PRKACB: variants seen among roughly 807,000 people sequenced by gnomAD.
PRKACB encodes the protein protein kinase cAMP-activated catalytic subunit beta.
PRKACB carries 16 observed loss-of-function variants against 51.4 expected under a neutral mutation model. The observed-to-expected ratio is 0.31, with a 90% CI of 0.21 to 0.47. PRKACB has a LOEUF of 0.47. Ranked by LOEUF, PRKACB falls within the 20% of genes least tolerant of loss-of-function variation. The pLI is 1.00. For missense variants in PRKACB, 309 were observed against 464.5 expected, an observed-to-expected ratio of 0.67 and a Z score of 3.08; for synonymous variants, 147 against 154.4, an observed-to-expected ratio of 0.95 and a Z score of 0.35.
intron 1 of PRKACB, among the ~76,000 whole-genome samples, chr1:84,176,138 A>T (rs1368000437): frequency 6.6e-6 from 1 of 151,830 alleles, no homozygotes; most frequent in Non-Finnish European, 1.5e-5. Flanking sequence ...TAATAATTTA[A>T]GTGGTTAAAT....
intron 1 of PRKACB, among the ~76,000 whole-genome samples, chr1:84,109,347 T>A (rs1650029600): frequency 6.6e-6 from 1 of 152,022 alleles, no homozygotes; most frequent in South Asian, 2.1e-4. Context: ...TAGCATTGCA[T>A]GAGGGTTCTC....
At chr1:84,181,737 AG>A (rs1663558537) in intron 2 of PRKACB, 1 of 1,498,346 alleles carries the variant, frequency 6.7e-7, no homozygotes. Context: ...AGGTAACTTT[AG>A]TGAAAGAGCT....
chr1:84,174,140 A>T (rs1456591899), intron 1 of PRKACB, among the ~76,000 whole-genome samples: 2 of 151,852 alleles, frequency 1.3e-5, no homozygotes, highest in Non-Finnish European at 2.9e-5. Context: ...CTGATTCGGC[A>T]TCTGCTTGCC....
intron 8 of PRKACB, among the ~76,000 whole-genome samples, chr1:84,203,532 A>G (rs1412879557): frequency 2.6e-5 from 4 of 151,970 alleles, no homozygotes; most frequent in Non-Finnish European, 4.4e-5. Flanking sequence ...GACCATTGTC[A>G]ATTCAATAGA....
At chr1:84,162,646 C>T (rs1386488095) in intron 1 of PRKACB, among the ~76,000 whole-genome samples, 2 of 151,764 alleles carry the variant, frequency 1.3e-5, no homozygotes, top group Non-Finnish European at 2.9e-5. Flanking sequence ...AATAGTTTTT[C>T]TTTCTATATT....
At chr1:84,110,384 A>G (rs1003977674) in intron 1 of PRKACB, among the ~76,000 whole-genome samples, 2 of 150,584 alleles carry the variant, frequency 1.3e-5, no homozygotes, top group Non-Finnish European at 3.0e-5. Context: ...ATATATATGT[A>G]AGTATATATA....
chr1:84,213,479 T>TG (rs1558298186), intron 8 of PRKACB, among the ~76,000 whole-genome samples: 1 of 152,208 alleles, frequency 6.6e-6, no homozygotes, highest in African/African-American at 2.4e-5. Flanking sequence ...TTCACTTATT[T>TG]GGGGGTTTTC....
intron 5 of PRKACB, among the ~76,000 whole-genome samples, chr1:84,195,912 C>CA (rs34855463): frequency 0.016 from 2,155 of 135,102 alleles, 56 homozygotes; most frequent in African/African-American, 0.052. Context: ...GACTGTGTCT[C>CA]AAAAAAAAAA....
intron 1 of PRKACB, among the ~76,000 whole-genome samples, chr1:84,128,407 A>G (rs1162483895): frequency 6.6e-6 from 1 of 152,238 alleles, no homozygotes; most frequent in Non-Finnish European, 1.5e-5. Flanking sequence ...TCCAAATTGC[A>G]GAAATTGATT....
chr1:84,111,507 A>G (rs1405101264), intron 1 of PRKACB, among the ~76,000 whole-genome samples: 1 of 152,150 alleles, frequency 6.6e-6, no homozygotes, highest in Non-Finnish European at 1.5e-5. Context: ...TTTACTGTAC[A>G]TAATCCTTCC....
chr1:84,180,008 A>G (rs1662696567), intron 2 of PRKACB, among the ~76,000 whole-genome samples: 1 of 140,444 alleles, frequency 7.1e-6, no homozygotes, highest in South Asian at 2.3e-4. Flanking sequence ...ATGTGTTCTC[A>G]TTGTTCAACT....
At chr1:84,212,497 A>G (rs191117422) in intron 8 of PRKACB, among the ~76,000 whole-genome samples, 1 of 152,282 alleles carries the variant, frequency 6.6e-6, no homozygotes, top group East Asian at 1.9e-4. Context: ...GAAAGTCAGA[A>G]TATAAATTAA....
intron 8 of PRKACB, among the ~76,000 whole-genome samples, chr1:84,213,555 A>G (rs1009127492): frequency 1.3e-5 from 2 of 152,154 alleles, no homozygotes; most frequent in Non-Finnish European, 2.9e-5. Flanking sequence ...GTAGGTAGAA[A>G]AATGCTTTTA....
At chr1:84,168,834 A>G (rs1447357004) in intron 1 of PRKACB, among the ~76,000 whole-genome samples, 1 of 151,622 alleles carries the variant, frequency 6.6e-6, no homozygotes, top group Non-Finnish European at 1.5e-5. Flanking sequence ...CCAAGAATGT[A>G]TTAGGCCTTT....
At chr1:84,135,393 A>G (rs1321098117) in intron 1 of PRKACB, among the ~76,000 whole-genome samples, 1 of 152,212 alleles carries the variant, frequency 6.6e-6, no homozygotes, top group Admixed American at 6.5e-5. Context: ...AATCAGTGTA[A>G]GTAGGTAATT....
intron 5 of PRKACB, among the ~76,000 whole-genome samples, chr1:84,189,585 G>A (rs995980339): frequency 2.6e-5 from 4 of 151,830 alleles, no homozygotes; most frequent in African/African-American, 9.7e-5. Context: ...CATGTGTAGT[G>A]TGACACAGCA....
chr1:84,097,291 A>G (rs991318212), intron 1 of PRKACB, among the ~76,000 whole-genome samples: 12 of 151,980 alleles, frequency 7.9e-5, no homozygotes, highest in African/African-American at 2.9e-4. Context: ...AAGTATATGT[A>G]TCTGTAGATA....
At chr1:84,154,564 A>T (rs1384589521) in intron 1 of PRKACB, among the ~76,000 whole-genome samples, 1 of 152,160 alleles carries the variant, frequency 6.6e-6, no homozygotes, top group Non-Finnish European at 1.5e-5. Flanking sequence ...AAGCTCATTT[A>T]CCAGGGCAGC....
chr1:84,087,481 CAT>C (rs140975325), intron 1 of PRKACB, among the ~76,000 whole-genome samples: 3,870 of 152,214 alleles, frequency 0.025, 159 homozygotes, highest in African/African-American at 0.084. Context: ...AAAGGTGAAA[CAT>C]GTGTTTACAA....
Sources: gnomAD v4.1 joint callset for allele counts (sites outside exome capture counted in the v4.1 genomes callset) on GRCh38, gnomAD v4.1.1 for gene constraint, MANE v1.5 for transcripts, NCBI Gene and HGNC (gene_info 2026-07-23, HGNC 2026-07-21) for gene names.